Variants in DISC1 observed in about 807,000 individuals in gnomAD.
DISC1 encodes disrupted in schizophrenia 1 protein.
A neutral mutation model predicts 84.5 loss-of-function variants in DISC1; 57 were observed. The observed-to-expected ratio is 0.67, with a 90% CI of 0.55 to 0.84. The LOEUF is 0.84. DISC1 is among the 40% of genes least tolerant of loss of function. DISC1 has a pLI of 0.00. For synonymous variants in DISC1, 411 were observed against 415.2 expected (o/e 0.99, Z 0.12); for missense variants, 1,000 against 1,057.8 (o/e 0.95, Z 0.76).
chr1:231,888,962 C>A (rs146342126), intron 9 of DISC1, among the ~76,000 whole-genome samples: 17 of 152,198 alleles, frequency 1.1e-4, no homozygotes, highest in African/African-American at 3.9e-4. Context: ...TCTCCATATG[C>A]GATCCTTTGA....
intron 8 of DISC1, among the ~76,000 whole-genome samples, chr1:231,814,608 G>T (rs1466027811): frequency 1.3e-5 from 2 of 152,122 alleles, no homozygotes; most frequent in Non-Finnish European, 2.9e-5. Flanking sequence ...TCATCATCCT[G>T]TGAACCATTG....
At chr1:232,022,696 T>C (rs545452641) in intron 11 of DISC1, among the ~76,000 whole-genome samples, 123 of 152,320 alleles carry the variant, frequency 8.1e-4, no homozygotes, top group African/African-American at 2.4e-3. Context: ...GATAGAAATA[T>C]ATTAATCTAC....
chr1:231,700,605 G>A (rs895836611), intron 2 of DISC1, among the ~76,000 whole-genome samples: 2 of 152,166 alleles, frequency 1.3e-5, no homozygotes, highest in Non-Finnish European at 2.9e-5. Flanking sequence ...GTATAGGGCC[G>A]GGGTTGGTTC....
chr1:231,688,696 G>T (rs74146711), intron 1 of DISC1, among the ~76,000 whole-genome samples: 2,241 of 152,258 alleles, frequency 0.015, 52 homozygotes, highest in African/African-American at 0.052. Flanking sequence ...TCCTGTAACA[G>T]TTTTTATATG....
In DISC1 at chr1:232,008,806, G is replaced by C; in HGVS notation, c.2064G>C (p.Gly688=). Residue 688 remains glycine, a synonymous_variant, in exon 11 of 13, where the codon GGG becomes GGC. Transcript: ENST00000439617. ...KLCSCKCPLL[G]KVWEADLEAC... is the part of the protein sequence containing the mutation. Reference sequence around the variant, plus strand: ...TCAGCTGCAAGTGTCCACTGCTTGGGAAAGTGTGGGAAGCTGACTTGGAAG... The same window carrying C: ...TCAGCTGCAAGTGTCCACTGCTTGGCAAAGTGTGGGAAGCTGACTTGGAAG... The C allele has an allele frequency of 6.3e-7, 1 of 1,583,386 alleles. No individual in the cohort carries two copies. Among genetic ancestry groups the C allele is most frequent in the East Asian group, 2.2e-5 (1 of 44,568 alleles).
chr1:231,663,901 A>C (rs1172037928), intron 1 of DISC1, among the ~76,000 whole-genome samples: 1 of 152,190 alleles, frequency 6.6e-6, no homozygotes, highest in African/African-American at 2.4e-5. Flanking sequence ...AATTAGGCCC[A>C]AATACTGATC....
chr1:231,847,537 T>C (rs1465748354), intron 9 of DISC1, among the ~76,000 whole-genome samples: 1 of 152,300 alleles, frequency 6.6e-6, no homozygotes, highest in Middle Eastern at 3.4e-3. Context: ...CTCAGCCTCA[T>C]GTGGCTGGAC....
chr1:231,910,262 A>T (rs1246882132), intron 9 of DISC1, among the ~76,000 whole-genome samples: 1 of 151,890 alleles, frequency 6.6e-6, no homozygotes, highest in Non-Finnish European at 1.5e-5. Context: ...TTTAATTGTG[A>T]TGTTACGGTG....
chr1:231,629,955 C>A (rs943125426), intron 1 of DISC1, among the ~76,000 whole-genome samples: 1 of 152,102 alleles, frequency 6.6e-6, no homozygotes, highest in Admixed American at 6.5e-5. Context: ...TTTTTTGAGA[C>A]GGAGTCTCGT....
intron 10 of DISC1, among the ~76,000 whole-genome samples, chr1:231,997,883 A>C (rs755713818): frequency 6.6e-6 from 1 of 152,114 alleles, no homozygotes; most frequent in Non-Finnish European, 1.5e-5. Context: ...ATAAGAACTC[A>C]TTTGGAAAAT....
At chr1:231,772,553 G>A (rs1163674165) in intron 6 of DISC1, among the ~76,000 whole-genome samples, 2 of 152,134 alleles carry the variant, frequency 1.3e-5, no homozygotes, top group African/African-American at 4.8e-5. Context: ...TGAGGAAAGG[G>A]GTGTTGATAA....
intron 9 of DISC1, among the ~76,000 whole-genome samples, chr1:231,836,877 C>G (rs1049130467): frequency 6.7e-6 from 1 of 148,380 alleles, no homozygotes; most frequent in African/African-American, 2.5e-5. Context: ...CACACATCCT[C>G]TGTCCTCCTT....
At chr1:231,646,606 C>G (rs2125240011) in intron 1 of DISC1, among the ~76,000 whole-genome samples, 1 of 152,298 alleles carries the variant, frequency 6.6e-6, no homozygotes, top group Non-Finnish European at 1.5e-5. Flanking sequence ...AATGGTATTT[C>G]TAGTTCTAGA....
At position 231,826,288 on chromosome 1, in the gene DISC1, T is replaced by A. The variant is rs1231451700; in HGVS notation, c.1981+7771T>A. On this transcript the variant is annotated intron_variant, in intron 9 of 12. Transcript: ENST00000439617. This position sits in a 1 kb window ranked among gnomAD's most constrained non-coding sequence, Gnocchi z 4.2. ...CTTTGACGTTGCTTTATGTTCTTTA[T>A]GAATTTGATTCCTAACGTCAGTCTC... Among the ~76,000 whole-genome samples, 1 of 152,240 alleles carries A rather than the reference T, an allele frequency of 6.6e-6. No homozygotes were observed. The highest frequency in any genetic ancestry group is 1.5e-5 in the Non-Finnish European group (1 of 68,044).
chr1:232,028,170 A>G (rs1199586411), intron 12 of DISC1, among the ~76,000 whole-genome samples: 1 of 152,156 alleles, frequency 6.6e-6, no homozygotes, highest in Non-Finnish European at 1.5e-5. Context: ...CAAATCTTTG[A>G]GCACGTGTAA....
At chr1:231,985,882 G>A (rs907388949) in intron 10 of DISC1, among the ~76,000 whole-genome samples, 1 of 152,142 alleles carries the variant, frequency 6.6e-6, no homozygotes, top group African/African-American at 2.4e-5. Flanking sequence ...GTGTAGAATA[G>A]GAGATTGTGT....
At chr1:231,962,438 G>C (rs1427996474) in intron 10 of DISC1, among the ~76,000 whole-genome samples, 3 of 152,026 alleles carry the variant, frequency 2.0e-5, no homozygotes, top group Non-Finnish European at 4.4e-5. Flanking sequence ...GAGGATGTGG[G>C]CATATATTCT....
Position 232,026,564 on chromosome 1 carries a change from A to C in DISC1, c.2425+12A>C, listed in dbSNP as rs781777427. The C allele has an allele frequency of 6.3e-7, 1 of 1,574,852 alleles. No homozygotes were observed. The highest frequency in any genetic ancestry group is 1.2e-5 in the South Asian group (1 of 86,792). Reference sequence around the variant, plus strand: ...TGAAGATCTCATTCATATCCTTTTCATCTTGCAGATGAAGCAAGGCAAAGT... The same window carrying C: ...TGAAGATCTCATTCATATCCTTTTCCTCTTGCAGATGAAGCAAGGCAAAGT... On this transcript the variant is annotated intron_variant, in intron 12 of 12. Coordinates refer to ENST00000439617, the MANE Select transcript of DISC1 (RefSeq NM_018662.3).
intron 9 of DISC1, among the ~76,000 whole-genome samples, chr1:231,901,324 T>G (rs1029094437): frequency 1.2e-4 from 19 of 152,232 alleles, no homozygotes; most frequent in African/African-American, 4.1e-4. Context: ...AAACGAAAAT[T>G]GAGTAAATTT....
Sources: allele counts gnomAD v4.1 joint callset (sites outside exome capture counted in the v4.1 genomes callset), GRCh38; gene constraint gnomAD v4.1.1; non-coding constraint Gnocchi (gnomAD v3.1); transcripts MANE v1.5; gene names NCBI Gene and HGNC (gene_info 2026-07-23, HGNC 2026-07-21).